The following NRP1 variants were observed in gnomAD, a reference collection of about 807,000 sequenced individuals.
NRP1 encodes neuropilin 1, also known as neuropilin-1.
NRP1 carries 35 observed loss-of-function variants against 106.7 expected under a neutral mutation model. The ratio of observed to expected loss-of-function variants is 0.33; its 90% CI spans 0.25 to 0.43. The LOEUF (loss-of-function observed/expected upper bound fraction) is 0.43. NRP1 is among the 20% of genes least tolerant of loss of function. NRP1 has a pLI of 1.00. For synonymous variants in NRP1, 437 were observed against 417.9 expected (o/e 1.05, Z -0.56); for missense variants, 1,024 against 1,170.4 (o/e 0.87, Z 1.83).
chr10:33,255,918 T>G (rs1842165147), intron 5 of NRP1, among the ~76,000 whole-genome samples: 1 of 152,184 alleles, frequency 6.6e-6, no homozygotes, highest in Non-Finnish European at 1.5e-5. Flanking sequence ...TTCCCATACT[T>G]CGTGACTGCT....
intron 2 of NRP1, among the ~76,000 whole-genome samples, chr10:33,299,306 A>G (rs1279631603): frequency 1.3e-5 from 2 of 152,094 alleles, no homozygotes; most frequent in Non-Finnish European, 2.9e-5. Context: ...GCAGGAGTCC[A>G]TCAGCACTGC....
chr10:33,240,835 G>C (rs990180853), intron 6 of NRP1, among the ~76,000 whole-genome samples: 3 of 152,184 alleles, frequency 2.0e-5, no homozygotes, highest in Non-Finnish European at 4.4e-5. Flanking sequence ...AGGCTGCCTA[G>C]GTACAGCTGG....
intron 11 of NRP1, among the ~76,000 whole-genome samples, chr10:33,199,385 ATATATTTTTTTTTTTTTTTT>A (rs1564372806): frequency 1.7e-5 from 1 of 59,972 alleles, no homozygotes; most frequent in Non-Finnish European, 3.0e-5. Context: ...ATATATATAT[ATATATTTTTTTTTTTTTTTT>A]TTTTTTTTTT....
At chr10:33,257,648 C>T (rs1337430952) in intron 4 of NRP1, among the ~76,000 whole-genome samples, 3 of 151,844 alleles carry the variant, frequency 2.0e-5, no homozygotes, top group Non-Finnish European at 4.4e-5. Context: ...AAAAAAACAA[C>T]AATTTGCTGT....
At chr10:33,187,935 G>T (rs572147316) in intron 13 of NRP1, among the ~76,000 whole-genome samples, 19 of 152,126 alleles carry the variant, frequency 1.2e-4, no homozygotes, top group Admixed American at 3.3e-4. Context: ...TCAAACCAAC[G>T]GGTGGAATCA....
intron 2 of NRP1, among the ~76,000 whole-genome samples, chr10:33,279,425 G>A (rs1237866482): frequency 1.3e-5 from 2 of 152,124 alleles, no homozygotes; most frequent in East Asian, 3.9e-4. Flanking sequence ...TGCCAGCTGG[G>A]GGTGCTCCCA....
chr10:33,257,397 G>A (rs187573760), intron 4 of NRP1, among the ~76,000 whole-genome samples: 2 of 152,322 alleles, frequency 1.3e-5, no homozygotes, highest in African/African-American at 4.8e-5. Flanking sequence ...AGCACTTTGG[G>A]AAGCTGAGGT....
chr10:33,217,695 C>T (rs939064576), intron 8 of NRP1, among the ~76,000 whole-genome samples: 2 of 152,098 alleles, frequency 1.3e-5, no homozygotes, highest in Admixed American at 6.6e-5. Flanking sequence ...ATGGGACATA[C>T]TTATTCTGAA....
chr10:33,235,475 T>A (rs1396744039), intron 6 of NRP1, among the ~76,000 whole-genome samples: 1 of 152,268 alleles, frequency 6.6e-6, no homozygotes, highest in East Asian at 1.9e-4. Flanking sequence ...CGCACGGAAC[T>A]GTGGCAAGCC....
At chr10:33,322,229 T>C (rs1434103378) in intron 2 of NRP1, among the ~76,000 whole-genome samples, 1 of 152,098 alleles carries the variant, frequency 6.6e-6, no homozygotes, top group Non-Finnish European at 1.5e-5. Flanking sequence ...ATCAAACCCA[T>C]GTGTGGCCTG....
intron 3 of NRP1, among the ~76,000 whole-genome samples, chr10:33,269,670 A>C (rs1843160748): frequency 1.3e-5 from 2 of 152,150 alleles, no homozygotes; most frequent in African/African-American, 4.8e-5. Context: ...AGGCGAGCAA[A>C]GTGTTGTCTG....
intron 6 of NRP1, among the ~76,000 whole-genome samples, chr10:33,248,619 A>G (rs776979343): frequency 6.6e-6 from 1 of 152,196 alleles, no homozygotes; most frequent in African/African-American, 2.4e-5. Context: ...GGAAAACATG[A>G]AAACAAGCTT....
chr10:33,294,701 T>C lies in NRP1; in HGVS notation c.249-23845A>G, dbSNP rs1052155216. Among the ~76,000 whole-genome samples, 6 of 151,644 alleles carry C rather than the reference T, an allele frequency of 4.0e-5. No individual in the cohort carries two copies. The South Asian group carries it at 1.3e-3, about 32-fold the overall frequency. On this transcript the variant is annotated intron_variant, in intron 2 of 16. Coordinates refer to ENST00000374867, the MANE Select transcript of NRP1 (RefSeq NM_003873.7). ...AGAAGAGTAAGTATCTCAAAGTTAA[T>C]GAGGAAGATAAGAAGGAAAATGCCA...
intron 12 of NRP1, chr10:33,194,685 G>A (rs1426310009): frequency 7.9e-6 from 4 of 504,874 alleles, no homozygotes; most frequent in African/African-American, 7.8e-5. Flanking sequence ...GTAACTTGTG[G>A]CAATTTGGTT....
chr10:33,244,076 G>T (rs1165546875), intron 6 of NRP1, among the ~76,000 whole-genome samples: 1 of 151,986 alleles, frequency 6.6e-6, no homozygotes, highest in African/African-American at 2.4e-5. Flanking sequence ...CATAAAATGA[G>T]AACTATACAA....
At chr10:33,316,579 G>C (rs553964602) in intron 2 of NRP1, among the ~76,000 whole-genome samples, 156 of 152,274 alleles carry the variant, frequency 1.0e-3, no homozygotes, top group African/African-American at 3.5e-3. Context: ...GAAAAATTCA[G>C]GGCAAAGGCA....
chr10:33,230,378 T>A (rs1454860860), intron 6 of NRP1, among the ~76,000 whole-genome samples: 1 of 152,200 alleles, frequency 6.6e-6, no homozygotes, highest in African/African-American at 2.4e-5. Context: ...TATTTCGAGT[T>A]GAAGGCAATC....
chr10:33,249,950 G>C (rs1371999965), intron 6 of NRP1, among the ~76,000 whole-genome samples: 1 of 151,852 alleles, frequency 6.6e-6, no homozygotes, highest in South Asian at 2.1e-4. Flanking sequence ...AATGGGAACC[G>C]AAGCTTGTTC....
At chr10:33,318,393 T>C (rs868609) in intron 2 of NRP1, among the ~76,000 whole-genome samples, 20,965 of 152,114 alleles carry the variant, frequency 0.14, 1,906 homozygotes, top group East Asian at 0.38. Flanking sequence ...CAGAACTCTT[T>C]TTCACAGGGA....
Sources: gnomAD v4.1 joint callset for allele counts (sites outside exome capture counted in the v4.1 genomes callset) on GRCh38, gnomAD v4.1.1 for gene constraint, MANE v1.5 for transcripts, NCBI Gene and HGNC (gene_info 2026-07-23, HGNC 2026-07-21) for gene names.